The following RNF19A variants were observed in gnomAD, a reference collection of about 807,000 sequenced individuals.
RNF19A encodes the protein E3 ubiquitin-protein ligase RNF19A.
Under a neutral mutation model 75.7 loss-of-function variants are expected in RNF19A, and 32 were observed. The ratio of observed to expected loss-of-function variants is 0.42; its 90% CI spans 0.32 to 0.57. The LOEUF is 0.57. Among genes scored for constraint, RNF19A ranks in the 20% least tolerant of loss-of-function variants. The probability of loss-of-function intolerance (pLI) is 0.10; values close to 1 mark genes in which losing one functional copy is unlikely to be tolerated. For missense variants in RNF19A, 782 were observed against 1,036.3 expected, an observed-to-expected ratio of 0.75 and a Z score of 3.37; for synonymous variants, 335 against 345.2, an observed-to-expected ratio of 0.97 and a Z score of 0.33.
Position 100,269,737 on chromosome 8 carries a change from C to T in RNF19A, c.1028+132G>A. The T allele has an allele frequency of 1.7e-6, 1 of 594,740 alleles. No homozygotes were observed. Among genetic ancestry groups the T allele is most frequent in the Non-Finnish European group, 2.7e-6 (1 of 371,954 alleles). 36.8% of individuals were successfully genotyped at this position (594,740 alleles called of 1,614,324 possible). On this transcript the variant is annotated intron_variant, in intron 4 of 9. Coordinates refer to ENST00000341084, the MANE Select transcript of RNF19A (RefSeq NM_183419.4). This position sits in a 1 kb window ranked among gnomAD's most constrained non-coding sequence, Gnocchi z 5.7. ...AATGACTAGCATAATAACTTGGTTT[C>T]TTTTAAATTTATTTAACTAGAATAA... is the stretch of plus-strand genomic sequence containing the variant.
upstream of RNF19A, among the ~76,000 whole-genome samples, chr8:100,311,551 T>C (rs555299034): frequency 6.5e-4 from 98 of 151,860 alleles, no homozygotes; most frequent in South Asian, 2.3e-3. Context: ...ACCCCGTCTC[T>C]ACTAAAAATA....
At chr8:100,263,678 C>T (rs2132500315) in intron 7 of RNF19A, among the ~76,000 whole-genome samples, 1 of 152,266 alleles carries the variant, frequency 6.6e-6, no homozygotes, top group East Asian at 1.9e-4. Flanking sequence ...CTTTGAATAA[C>T]ATTGAGTTGA....
At position 100,287,015 on chromosome 8, in the gene RNF19A, T is replaced by C. The variant is rs375071810; in HGVS notation, c.674+486A>G. ...CTTGAGACTAGCAAATGCTTATGTA[T>C]ATCAACATGAACACATCATACTGTG... On this transcript the variant is annotated intron_variant, in intron 2 of 9. Transcript: ENST00000341084. The surrounding 1 kb of genome is among the most constrained non-coding windows in gnomAD (Gnocchi z 4.1). Among the ~76,000 whole-genome samples the C allele has an allele frequency of 1.3e-5, 2 of 152,168 alleles. No individual in the cohort carries two copies. The highest frequency in any genetic ancestry group is 1.3e-4 in the Admixed American group (2 of 15,274).
chr8:100,310,248 G>T (rs1054080242), upstream of RNF19A: 1 of 985,088 alleles, frequency 1.0e-6, no homozygotes. Context: ...TCTGGACGCG[G>T]CTGTTCCCTT....
At position 100,260,775 on chromosome 8, in the gene RNF19A, T is replaced by C. The variant is rs1612305; in HGVS notation, c.1682+767A>G. ...AGGGGAAGATAATTTTTCCTACTTA[T>C]CTATATGGCTATTGATAAAAGACTT... On this transcript the variant is annotated intron_variant, in intron 8 of 9. Coordinates refer to ENST00000341084, the MANE Select transcript of RNF19A (RefSeq NM_183419.4). This position sits in a 1 kb window ranked among gnomAD's most constrained non-coding sequence, Gnocchi z 4.1. 1.6e-3 allele frequency among the ~76,000 whole-genome samples: 246 copies of C among 152,274 alleles called. 8 individuals carry two copies. In the East Asian group the frequency reaches 0.044, roughly 27 times the overall value.
At chr8:100,283,449 C>T (rs990641773) in intron 2 of RNF19A, among the ~76,000 whole-genome samples, 7 of 152,182 alleles carry the variant, frequency 4.6e-5, no homozygotes, top group African/African-American at 1.7e-4. Flanking sequence ...TAGAAGCTGT[C>T]TAGCTAGACT....
At chr8:100,334,991 C>T (rs995100617) in intron 1 of RNF19A, among the ~76,000 whole-genome samples, 1 of 152,108 alleles carries the variant, frequency 6.6e-6, no homozygotes, top group African/African-American at 2.4e-5. Flanking sequence ...CAAACAATAC[C>T]CTGTTGTTAT....
chr8:100,313,999 A>C (rs549905471), upstream of RNF19A, among the ~76,000 whole-genome samples: 190 of 150,956 alleles, frequency 1.3e-3, 1 homozygote, highest in Middle Eastern at 0.024. Flanking sequence ...TTCCCCCCTC[A>C]GCCTCATGAG....
intron 2 of RNF19A, among the ~76,000 whole-genome samples, chr8:100,285,910 A>G (rs1487473296): frequency 6.6e-6 from 1 of 152,216 alleles, no homozygotes; most frequent in Admixed American, 6.5e-5. Flanking sequence ...TAGATGAAAC[A>G]TAACATAGAC....
rs950031506 is a variant in RNF19A, at chr8:100,268,379, A to G, written c.1191+406T>C. ...AAAAAAGCTTTGAACTACAGCAGAA[A>G]TAATTCAAGAACTGGCTAATTATTC... On this transcript the variant is annotated intron_variant, in intron 5 of 9. Coordinates refer to ENST00000341084, the MANE Select transcript of RNF19A (RefSeq NM_183419.4). Among the ~76,000 whole-genome samples the G allele has an allele frequency of 7.2e-5, 11 of 152,208 alleles. 1 individual carries two copies. Among genetic ancestry groups the G allele is most frequent in the Admixed American group, 7.2e-4 (11 of 15,278 alleles).
chr8:100,301,400 A>T (rs1185438450), intron 1 of RNF19A, among the ~76,000 whole-genome samples: 1 of 152,172 alleles, frequency 6.6e-6, no homozygotes, highest in Non-Finnish European at 1.5e-5. Flanking sequence ...ACAAATTTCC[A>T]CTGGTTTCCC....
chr8:100,310,224 C>G (rs1268214211), upstream of RNF19A: 1 of 985,094 alleles, frequency 1.0e-6, no homozygotes, highest in African/African-American at 1.7e-5. Flanking sequence ...CCCACCGGGC[C>G]CGCTGCGGGC....
chr8:100,257,121 C>A lies in RNF19A; in HGVS notation c.*1435G>T, dbSNP rs908301458. On this transcript the variant is annotated 3_prime_UTR_variant, in exon 10 of 10. Transcript: ENST00000341084. Reference sequence around the variant, plus strand: ...TGCAGTTTACACACTCATTATTAAACAAAATTGGAATGCAAACAAATATAC... The same window carrying A: ...TGCAGTTTACACACTCATTATTAAAAAAAATTGGAATGCAAACAAATATAC... 2 of 152,394 alleles carry A rather than the reference C, an allele frequency of 1.3e-5. No homozygotes were observed. Among genetic ancestry groups the A allele is most frequent in the Non-Finnish European group, 2.9e-5 (2 of 67,982 alleles). 9.4% of individuals were successfully genotyped at this position (152,394 alleles called of 1,614,324 possible). A position where few individuals can be genotyped will look rare whatever the true frequency, so the allele number is the denominator to read the frequency against.
intron 7 of RNF19A, among the ~76,000 whole-genome samples, chr8:100,262,954 G>A (rs1163254109): frequency 6.6e-6 from 1 of 152,150 alleles, no homozygotes; most frequent in East Asian, 1.9e-4. Flanking sequence ...GAGGAATGGA[G>A]AAGCTACTTA....
upstream of RNF19A, among the ~76,000 whole-genome samples, chr8:100,314,481 T>C (rs1822345339): frequency 6.6e-6 from 1 of 152,156 alleles, no homozygotes; most frequent in Admixed American, 6.5e-5. The surrounding 1 kb of genome is among the most constrained non-coding windows in gnomAD (Gnocchi z 4.1). Context: ...TGCTCTTCTC[T>C]TAAACCTACC....
At chr8:100,267,972 C>T (rs1018590091) in intron 5 of RNF19A, among the ~76,000 whole-genome samples, 2 of 152,078 alleles carry the variant, frequency 1.3e-5, no homozygotes, top group African/African-American at 4.8e-5. Context: ...GGCACCGCAC[C>T]TGGCCTGTTA....
chr8:100,298,210 A>AAAAAAC (rs1232676159), intron 1 of RNF19A, among the ~76,000 whole-genome samples: 150 of 152,052 alleles, frequency 9.9e-4, no homozygotes, highest in African/African-American at 3.1e-3. Flanking sequence ...AAAAAAAAAA[A>AAAAAAC]AACACTTATT....
At position 100,264,700 on chromosome 8, in the gene RNF19A, A is replaced by C; in HGVS notation, c.1277T>G (p.Val426Gly). 1 of 1,613,476 alleles carries C rather than the reference A, an allele frequency of 6.2e-7. No homozygotes were observed. Among genetic ancestry groups the C allele is most frequent in the Non-Finnish European group, 8.5e-7 (1 of 1,179,438 alleles). ...IAGGVTLSVI[V>G]SPVVAAVTVG... ...AGTCACTGCAGCTACTACTGGAGACACGATTACAGACAACGTTACACCACC... is the reference window on the plus strand; with the variant it reads ...AGTCACTGCAGCTACTACTGGAGACCCGATTACAGACAACGTTACACCACC... The change falls in exon 6 of 10, where the codon GTG becomes GGG. Residue 426 changes from valine to glycine, a missense_variant. Physicochemically the swap from Val to Gly is moderately radical, Grantham distance 109. Coordinates refer to ENST00000341084, the MANE Select transcript of RNF19A (RefSeq NM_183419.4). This position sits in a 1 kb window ranked among gnomAD's most constrained non-coding sequence, Gnocchi z 4.7.
In RNF19A at chr8:100,264,992, A is replaced by T. The variant is rs553574731; in HGVS notation, c.1192-207T>A. Reference sequence around the variant, plus strand: ...CCTTATTAATTTGCTTAAGACAGTGATTTAATGGATTTTACTTTGTGCTTA... The same window carrying T: ...CCTTATTAATTTGCTTAAGACAGTGTTTTAATGGATTTTACTTTGTGCTTA... On this transcript the variant is annotated intron_variant, in intron 5 of 9. Coordinates refer to ENST00000341084, the MANE Select transcript of RNF19A (RefSeq NM_183419.4). This position sits in a 1 kb window ranked among gnomAD's most constrained non-coding sequence, Gnocchi z 4.7. Among the ~76,000 whole-genome samples, 1 of 152,342 alleles carries T rather than the reference A, an allele frequency of 6.6e-6. No homozygotes were observed. The highest frequency in any genetic ancestry group is 2.4e-5 in the African/African-American group (1 of 41,578).
Sources: gnomAD v4.1 joint callset for allele counts (sites outside exome capture counted in the v4.1 genomes callset) on GRCh38, gnomAD v4.1.1 for gene constraint, Gnocchi (gnomAD v3.1) non-coding constraint, MANE v1.5 for transcripts, NCBI Gene and HGNC (gene_info 2026-07-23, HGNC 2026-07-21) for gene names.